DUSP10: variants seen among roughly 807,000 people sequenced by gnomAD.
DUSP10 encodes the protein dual specificity phosphatase 10.
A neutral mutation model predicts 30.8 loss-of-function variants in DUSP10; 14 were observed. The ratio of observed to expected loss-of-function variants is 0.46; its 90% confidence interval spans 0.30 to 0.71. The LOEUF (loss-of-function observed/expected upper bound fraction) is 0.71. Ranked by LOEUF, DUSP10 falls within the 30% of genes least tolerant of loss-of-function variation. The probability of loss-of-function intolerance (pLI) is 0.08; values close to 1 mark genes in which losing one functional copy is unlikely to be tolerated. For missense variants in DUSP10, 550 were observed against 619.4 expected (o/e 0.89, Z 1.19); for synonymous variants, 254 against 250.4 (o/e 1.01, Z -0.14).
intron 2 of DUSP10, among the ~76,000 whole-genome samples, chr1:221,713,220 T>C (rs895333973): frequency 6.6e-6 from 1 of 152,088 alleles, no homozygotes; most frequent in African/African-American, 2.4e-5. Context: ...GCAGGAGCCA[T>C]GAGGACAGCC....
chr1:221,729,827 C>T (rs192480965), intron 2 of DUSP10, among the ~76,000 whole-genome samples: 5 of 152,276 alleles, frequency 3.3e-5, no homozygotes, highest in Admixed American at 1.3e-4. Flanking sequence ...AAAAACATAG[C>T]ATTTTAATAA....
Position 221,736,878 on chromosome 1 carries a change from C to T in DUSP10, c.811+2056G>A, listed in dbSNP as rs886512009. ...AGAGCATCTTCCAAGTCGACTGCCG[C>T]GGTGTCTCACCAACTCGAAAATGAC... On this transcript the variant is annotated intron_variant, in intron 2 of 3. Transcript: ENST00000366899. The T allele has an allele frequency of 2.3e-5, 23 of 985,366 alleles. No homozygotes were observed. In the South Asian group the frequency reaches 2.8e-4, roughly 12 times the overall value. The allele number at this position is 985,366 out of a possible 1,614,324, so 61.0% of individuals were successfully genotyped here.
chr1:221,737,160 C>T, intron 2 of DUSP10: 2 of 985,446 alleles, frequency 2.0e-6, no homozygotes, highest in Non-Finnish European at 2.4e-6. Context: ...GTCTGCAACT[C>T]CTTGTAATCA....
intron 2 of DUSP10, among the ~76,000 whole-genome samples, chr1:221,734,173 C>T (rs1330901056): frequency 6.6e-6 from 1 of 152,188 alleles, no homozygotes; most frequent in Admixed American, 6.5e-5. Flanking sequence ...TGATGAGAGG[C>T]AACAAAAAGC....
intron 3 of DUSP10, among the ~76,000 whole-genome samples, chr1:221,703,516 C>G (rs139539010): frequency 6.6e-6 from 1 of 152,190 alleles, no homozygotes; most frequent in African/African-American, 2.4e-5. Flanking sequence ...TAGTAGTATA[C>G]AGGCCGAGGG....
At chr1:221,724,883 G>T (rs558288910) in intron 2 of DUSP10, among the ~76,000 whole-genome samples, 1 of 152,120 alleles carries the variant, frequency 6.6e-6, no homozygotes, top group East Asian at 1.9e-4. Flanking sequence ...CTCTCTGATC[G>T]ATTAACTACA....
At chr1:221,734,395 C>T (rs1018595790) in intron 2 of DUSP10, among the ~76,000 whole-genome samples, 2 of 152,188 alleles carry the variant, frequency 1.3e-5, no homozygotes, top group Admixed American at 1.3e-4. Flanking sequence ...GCCATAGCAA[C>T]ACACACACTC....
At chr1:221,708,504 A>G (rs1421127904) in intron 2 of DUSP10, among the ~76,000 whole-genome samples, 1 of 152,234 alleles carries the variant, frequency 6.6e-6, no homozygotes, top group East Asian at 1.9e-4. Context: ...GAAAGTAAGA[A>G]GTCAAAACCT....
rs929260590 is a variant in DUSP10 at position 221,706,236 on chromosome 1, T to C, written c.1042A>G (p.Ile348Val). ...QDLDTMQRLN[I>V]GYVINVTTHL... ...GTGGTGACGTTGATGACGTAGCCGA[T>C]GTTCAGCCGCTGCATGGTGTCCAGG... The change falls in exon 3 of 4, where the codon ATC becomes GTC. Residue 348 changes from isoleucine to valine, a missense_variant. Transcript: ENST00000366899. The surrounding 1 kb of genome is among the most constrained non-coding windows in gnomAD (Gnocchi z 4.6). 1.2e-6 allele frequency: 2 copies of C among 1,614,034 alleles called. No homozygotes were observed. Among genetic ancestry groups the C allele is most frequent in the Non-Finnish European group, 1.7e-6 (2 of 1,180,024 alleles).
Position 221,702,528 on chromosome 1 carries a change from T to C in DUSP10, c.1333A>G (p.Ile445Val), listed in dbSNP as rs1456313876. 2 of 1,614,200 alleles carry C rather than the reference T, an allele frequency of 1.2e-6. No individual in the cohort carries two copies. The highest frequency in any genetic ancestry group is 1.1e-5 in the South Asian group (1 of 91,080). The change falls in exon 4 of 4, where the codon ATC (isoleucine) becomes GTC (valine). Residue 445 changes from isoleucine to valine, a missense_variant. Ile to Val is a conservative substitution (Grantham distance 29). Transcript: ENST00000366899. This position sits in a 1 kb window ranked among gnomAD's most constrained non-coding sequence, Gnocchi z 4.5. Reference protein sequence around the residue: ...YKFVKGKRPIISPNLNFMGQL... With the variant: ...YKFVKGKRPIVSPNLNFMGQL... ...CCCATGAAGTTAAGGTTTGGGGAGA[T>C]AATTGGTCGTTTGCCTTTGACAAAT... is the stretch of plus-strand genomic sequence containing the variant.
At position 221,742,029 on chromosome 1, in the gene DUSP10, T is replaced by A. The variant is rs1247668357; in HGVS notation, c.-92A>T. ...ACCATCTGGCGCTCCTCTTCAGCTA[T>A]GGACTCGCACATTCAGCCCCCATTC... On this transcript the variant is annotated 5_prime_UTR_variant, in exon 1 of 4. Coordinates refer to ENST00000366899, the MANE Select transcript of DUSP10 (RefSeq NM_007207.6). 6.6e-6 allele frequency: 1 copy of A among 152,386 alleles called. No homozygotes were observed. The highest frequency in any genetic ancestry group is 1.5e-5 in the Non-Finnish European group (1 of 68,148). The allele number at this position is 152,386 out of a possible 1,614,324, so 9.4% of individuals were successfully genotyped here. A position where few individuals can be genotyped will look rare whatever the true frequency, so the allele number is the denominator to read the frequency against.
chr1:221,703,245 T>C (rs1452351943), intron 3 of DUSP10, among the ~76,000 whole-genome samples: 1 of 152,148 alleles, frequency 6.6e-6, no homozygotes, highest in Non-Finnish European at 1.5e-5. Flanking sequence ...GCAGTTCCTC[T>C]TTGGATTAAG....
At chr1:221,729,310 T>C (rs1380036123) in intron 2 of DUSP10, among the ~76,000 whole-genome samples, 1 of 152,148 alleles carries the variant, frequency 6.6e-6, no homozygotes, top group Non-Finnish European at 1.5e-5. Flanking sequence ...GAATTTTTAT[T>C]TGAGGATATA....
chr1:221,739,614 G>A lies in DUSP10; in HGVS notation c.131C>T (p.Pro44Leu). The A allele has an allele frequency of 1.2e-6, 2 of 1,614,186 alleles. No homozygotes were observed. The highest frequency in any genetic ancestry group is 1.7e-6 in the Non-Finnish European group (2 of 1,180,030). ...GGACACAACGGTGGTGGCGATGACA[G>A]GAGGGTGGCTGTTACTGCCTGGGTT... is the stretch of plus-strand genomic sequence containing the variant. ...SANPGSNSHP[P>L]VIATTVVSLK... The change falls in exon 2 of 4, where the codon CCT becomes CTT. Residue 44 changes from proline to leucine, a missense_variant. By Grantham distance (98) the Pro-to-Leu change is moderately conservative. Coordinates refer to ENST00000366899, the MANE Select transcript of DUSP10 (RefSeq NM_007207.6).
At chr1:221,721,694 T>C (rs922381220) in intron 2 of DUSP10, among the ~76,000 whole-genome samples, 1 of 152,112 alleles carries the variant, frequency 6.6e-6, no homozygotes, top group African/African-American at 2.4e-5. Flanking sequence ...CCCTACTTCT[T>C]GGACATTCTA....
At chr1:221,726,428 A>G (rs1661427571) in intron 2 of DUSP10, among the ~76,000 whole-genome samples, 1 of 152,234 alleles carries the variant, frequency 6.6e-6, no homozygotes, top group African/African-American at 2.4e-5. Context: ...ATCACAACAC[A>G]GGAAGCAAAA....
intron 2 of DUSP10, among the ~76,000 whole-genome samples, chr1:221,712,727 A>G (rs1307643321): frequency 1.4e-5 from 2 of 141,204 alleles, no homozygotes; most frequent in African/African-American, 5.4e-5. Context: ...ATCTACAGAT[A>G]TATCTTAAAA....
In DUSP10 at chr1:221,739,640, G is replaced by A; in HGVS notation, c.105C>T (p.Ala35=). 6.2e-7 allele frequency: 1 copy of A among 1,614,144 alleles called. No homozygotes were observed. The highest frequency in any genetic ancestry group is 8.5e-7 in the Non-Finnish European group (1 of 1,180,004). The part of the protein sequence containing the change: ...LCLDSSYLGS[A]NPGSNSHPPV... ...GAGGGTGGCTGTTACTGCCTGGGTT[G>A]GCAGAGCCAAGGTAACTAGAGTCTA... Residue 35 remains alanine (A), a synonymous_variant, in exon 2 of 4, where the codon GCC becomes GCT. Coordinates refer to ENST00000366899, the MANE Select transcript of DUSP10 (RefSeq NM_007207.6).
intron 2 of DUSP10, among the ~76,000 whole-genome samples, chr1:221,708,684 A>C (rs1414625727): frequency 6.6e-6 from 1 of 152,198 alleles, no homozygotes; most frequent in Non-Finnish European, 1.5e-5. Context: ...ATGGAAAATA[A>C]CTTCACCAGT....
Sources: allele counts gnomAD v4.1 joint callset (sites outside exome capture counted in the v4.1 genomes callset), GRCh38; gene constraint gnomAD v4.1.1; non-coding constraint Gnocchi (gnomAD v3.1); transcripts MANE v1.5; gene names NCBI Gene and HGNC (gene_info 2026-07-23, HGNC 2026-07-21).